The following ATP2B2 variants were observed in gnomAD, a reference collection of about 807,000 sequenced individuals.
The protein encoded by ATP2B2 is ATPase plasma membrane Ca2+ transporting 2.
ATP2B2 carries 15 observed loss-of-function variants against 120.0 expected under a neutral mutation model. The observed-to-expected ratio is 0.12, with a 90% CI of 0.08 to 0.19. The LOEUF is 0.19. Ranked by LOEUF, ATP2B2 falls within the 10% of genes least tolerant of loss-of-function variation. The pLI is 1.00. For synonymous variants in ATP2B2, 694 were observed against 700.3 expected (o/e 0.99, Z 0.14); for missense variants, 1,045 against 1,719.8 (o/e 0.61, Z 6.94).
rs56236831 is a variant in ATP2B2 at position 10,680,720 on chromosome 3, C to T, written c.-460+27195G>A. On this transcript the variant is annotated intron_variant, in intron 1 of 21. Transcript: ENST00000646379. ...TTTTACACATTCGTCCTGAGCATAG[C>T]TCCCTGGGATGTATGGCTTTCCTGG... 8.0e-3 allele frequency among the ~76,000 whole-genome samples: 1,216 copies of T among 152,282 alleles called. 11 individuals carry two copies. The highest frequency in any genetic ancestry group is 0.012 in the Non-Finnish European group (816 of 68,018).
At chr3:10,370,435 G>A (rs373199171) in intron 12 of ATP2B2, among the ~76,000 whole-genome samples, 4 of 152,202 alleles carry the variant, frequency 2.6e-5, no homozygotes, top group Non-Finnish European at 4.4e-5. Context: ...ATTGGGTGGG[G>A]TGGGGGAAGA....
At chr3:10,422,211 T>C (rs1038522365) in intron 2 of ATP2B2, among the ~76,000 whole-genome samples, 4 of 152,226 alleles carry the variant, frequency 2.6e-5, no homozygotes, top group Non-Finnish European at 5.9e-5. Flanking sequence ...GTTGCCCAGA[T>C]GCTCCTGCAC....
upstream of ATP2B2, among the ~76,000 whole-genome samples, chr3:10,506,289 T>A (rs1483903718): frequency 6.7e-6 from 1 of 149,740 alleles, no homozygotes; most frequent in Non-Finnish European, 1.5e-5. Flanking sequence ...CTCGGGGGGG[T>A]GTGGTGGTGG....
At chr3:10,549,222 A>G (rs1028910705) in intron 2 of ATP2B2, among the ~76,000 whole-genome samples, 1 of 152,148 alleles carries the variant, frequency 6.6e-6, no homozygotes, top group African/African-American at 2.4e-5. Flanking sequence ...TCACTAGGTA[A>G]GGTCAGATGC....
intron 2 of ATP2B2, among the ~76,000 whole-genome samples, chr3:10,610,062 T>C (rs1236985901): frequency 8.0e-6 from 1 of 125,506 alleles, no homozygotes. Context: ...CATACACATA[T>C]ACATATACAC....
intron 3 of ATP2B2, among the ~76,000 whole-genome samples, chr3:10,512,475 C>G (rs895887680): frequency 9.9e-5 from 7 of 70,586 alleles, no homozygotes; most frequent in African/African-American, 2.2e-4. Flanking sequence ...CACACACACA[C>G]ACACACACAC....
Position 10,350,602 on chromosome 3 carries a change from G to C in ATP2B2, c.2137-25C>G, listed in dbSNP as rs1435097677. On this transcript the variant is annotated intron_variant, in intron 14 of 22. Coordinates refer to ENST00000360273, the MANE Select transcript of ATP2B2 (RefSeq NM_001001331.4). ...CCTGGGCAGGAGGGCAGGGGCCATG[G>C]GGGAGGGCACCACCTCAGGCAGACT... 3 of 1,606,072 alleles carry C rather than the reference G, an allele frequency of 1.9e-6. No homozygotes were observed. In the South Asian group the frequency reaches 3.3e-5, roughly 18 times the overall value.
chr3:10,427,329 CCTTT>C (rs1413931370), intron 2 of ATP2B2, among the ~76,000 whole-genome samples: 1 of 152,174 alleles, frequency 6.6e-6, no homozygotes, highest in Non-Finnish European at 1.5e-5. Flanking sequence ...TTGGATTTGA[CCTTT>C]CTTTACTTTT....
chr3:10,535,506 T>G (rs1295542759), intron 2 of ATP2B2, among the ~76,000 whole-genome samples: 3 of 152,164 alleles, frequency 2.0e-5, no homozygotes, highest in Non-Finnish European at 1.5e-5. Flanking sequence ...AAGGCTTCCT[T>G]GGGCTACCCT....
intron 1 of ATP2B2, among the ~76,000 whole-genome samples, chr3:10,685,935 A>G (rs1246613516): frequency 6.6e-6 from 1 of 152,030 alleles, no homozygotes; most frequent in Non-Finnish European, 1.5e-5. Context: ...CATTTGCAGC[A>G]GGGGTGACTG....
At chr3:10,691,314 C>T (rs2071658469) in intron 1 of ATP2B2, among the ~76,000 whole-genome samples, 1 of 152,220 alleles carries the variant, frequency 6.6e-6, no homozygotes, top group Admixed American at 6.5e-5. Context: ...GTATTCTGTG[C>T]CATGAGTACG....
chr3:10,685,735 A>G (rs1046529599), intron 1 of ATP2B2, among the ~76,000 whole-genome samples: 2 of 152,218 alleles, frequency 1.3e-5, no homozygotes, highest in African/African-American at 4.8e-5. Flanking sequence ...AGGAACACAC[A>G]TGATCCCATA....
intron 1 of ATP2B2, among the ~76,000 whole-genome samples, chr3:10,668,681 A>G (rs1218840755): frequency 1.3e-5 from 2 of 150,732 alleles, no homozygotes; most frequent in African/African-American, 2.4e-5. Context: ...CAAACTCCCA[A>G]TCCCTCGGTC....
At chr3:10,605,348 ATGGAAAGAC>A (rs1225709183) in intron 2 of ATP2B2, among the ~76,000 whole-genome samples, 3 of 152,188 alleles carry the variant, frequency 2.0e-5, no homozygotes, top group African/African-American at 7.2e-5. Flanking sequence ...TATTCTACAT[ATGGAAAGAC>A]TGAGGCTGGA....
rs1415030139 is a variant in ATP2B2, at chr3:10,343,727, C to T, written c.2704-762G>A. Among the ~76,000 whole-genome samples the T allele has an allele frequency of 6.6e-6, 1 of 152,104 alleles. No homozygotes were observed. The highest frequency in any genetic ancestry group is 1.5e-5 in the Non-Finnish European group (1 of 68,020). On this transcript the variant is annotated intron_variant, in intron 18 of 22. Transcript: ENST00000360273. The surrounding 1 kb of genome is among the most constrained non-coding windows in gnomAD (Gnocchi z 4.2). Reference sequence around the variant, plus strand: ...ATGCCCTCCGCCCACGTCACCAGCACCTTCTGTGCCACGAGTTGCAGGACC... The same window carrying T: ...ATGCCCTCCGCCCACGTCACCAGCATCTTCTGTGCCACGAGTTGCAGGACC...
At chr3:10,690,902 C>G (rs2071648786) in intron 1 of ATP2B2, among the ~76,000 whole-genome samples, 1 of 152,194 alleles carries the variant, frequency 6.6e-6, no homozygotes, top group South Asian at 2.1e-4. Context: ...CCATAACCAC[C>G]TATTAAGTAA....
intron 3 of ATP2B2, among the ~76,000 whole-genome samples, chr3:10,526,808 C>T (rs1423278096): frequency 6.6e-6 from 1 of 152,160 alleles, no homozygotes; most frequent in African/African-American, 2.4e-5. Flanking sequence ...CCCTTCCCCT[C>T]TCTGAGTCTC....
At chr3:10,626,019 A>C (rs1232053609) in intron 1 of ATP2B2, 4 of 150,052 alleles carry the variant, frequency 2.7e-5, no homozygotes, top group Non-Finnish European at 5.9e-5. Context: ...ATAAAGTTTC[A>C]CTCTAAAATA....
chr3:10,337,914 G>C (rs1417604084), intron 22 of ATP2B2, among the ~76,000 whole-genome samples: 1 of 152,174 alleles, frequency 6.6e-6, no homozygotes, highest in East Asian at 1.9e-4. Flanking sequence ...TCCCCCTGGA[G>C]ACCATGGTGG....
Sources: gnomAD v4.1 joint callset for allele counts (sites outside exome capture counted in the v4.1 genomes callset) on GRCh38, gnomAD v4.1.1 for gene constraint, Gnocchi (gnomAD v3.1) non-coding constraint, MANE v1.5 for transcripts, NCBI Gene and HGNC (gene_info 2026-07-23, HGNC 2026-07-21) for gene names.